SDR42E1: variants seen among roughly 807,000 people sequenced by gnomAD.
SDR42E1 encodes short chain dehydrogenase/reductase family 42E, member 1, also known as short-chain dehydrogenase/reductase family 42E member 1.
In SDR42E1, 5 loss-of-function variants were observed where a neutral mutation model predicts 2.6. The observed-to-expected ratio is 1.94, with a 90% confidence interval of 1.01 to 4.08. The LOEUF (loss-of-function observed/expected upper bound fraction) is 4.08. Ranked by LOEUF, SDR42E1 falls within the 30% of genes most tolerant of loss-of-function variation. The pLI is 0.00. For synonymous variants in SDR42E1, 231 were observed against 188.3 expected (o/e 1.23, Z -1.86); for missense variants, 596 against 478.6 (o/e 1.25, Z -2.29).
At chr16:82,006,988 G>A (rs934774468) in intron 1 of SDR42E1, among the ~76,000 whole-genome samples, 17 of 152,152 alleles carry the variant, frequency 1.1e-4, no homozygotes, top group African/African-American at 3.4e-4. Context: ...AATCTTGTTC[G>A]GCTACCTAAA....
In SDR42E1 at chr16:81,989,922, T is replaced by G. The variant is rs935464316; in HGVS notation, c.*9189A>C. ...CTGAGGCAGGAGAATTACTCGAACC[T>G]GGGAGGCGGAGGTTGCAGTGAGCCA... On this transcript the variant is annotated 3_prime_UTR_variant, in exon 3 of 3. Transcript: ENST00000328945. 1 of 152,242 alleles carries G rather than the reference T, an allele frequency of 6.6e-6. No individual in the cohort carries two copies. The highest frequency in any genetic ancestry group is 1.5e-5 in the Non-Finnish European group (1 of 68,196). 9.4% of individuals were successfully genotyped at this position (152,242 alleles called of 1,614,324 possible). A position where few individuals can be genotyped will look rare whatever the true frequency, so the allele number is the denominator to read the frequency against.
rs921725585 is a variant in SDR42E1 at position 81,996,377 on chromosome 16, G to C, written c.*2734C>G. On this transcript the variant is annotated 3_prime_UTR_variant, in exon 3 of 3. Coordinates refer to ENST00000328945, the MANE Select transcript of SDR42E1 (RefSeq NM_145168.3). ...AATCAACTGGCTTAAACATGGGTTA[G>C]GTGTGTCAAGTCTGGGAGAGGGCAG... is the stretch of plus-strand genomic sequence containing the variant. 6.6e-6 allele frequency: 1 copy of C among 152,196 alleles called. No individual in the cohort carries two copies. The highest frequency in any genetic ancestry group is 6.5e-5 in the Admixed American group (1 of 15,284). 9.4% of individuals were successfully genotyped at this position (152,196 alleles called of 1,614,324 possible).
chr16:81,996,769 A>T lies in SDR42E1; in HGVS notation c.*2342T>A, dbSNP rs1029328942. The T allele has an allele frequency of 2.6e-5, 4 of 152,146 alleles. No individual in the cohort carries two copies. The highest frequency in any genetic ancestry group is 6.5e-5 in the Admixed American group (1 of 15,274). 9.4% of individuals were successfully genotyped at this position (152,146 alleles called of 1,614,324 possible). On this transcript the variant is annotated 3_prime_UTR_variant, in exon 3 of 3. Transcript: ENST00000328945. ...AAGCTGGAGTGGGAGACAGTAACAG[A>T]ATTGGGGAGATATGGAAGCAGGAAT... is the stretch of plus-strand genomic sequence containing the variant.
Position 81,999,626 on chromosome 16 carries a change from C to A in SDR42E1, c.667G>T (p.Val223Phe). ...YGDPRSLVEF[V>F]HVDNLVQAHI... The stretch of plus-strand genomic sequence containing the variant: ...GCCTGCACCAAGTTATCCACGTGGA[C>A]AAACTCAACCAGGCTCCTGGGGTCC... The change falls in exon 3 of 3, where the codon GTC (valine) becomes TTC (phenylalanine). Residue 223 changes from valine to phenylalanine, a missense_variant. Transcript: ENST00000328945. The A allele has an allele frequency of 1.9e-6, 3 of 1,614,166 alleles. No individual in the cohort carries two copies. The highest frequency in any genetic ancestry group is 2.7e-5 in the African/African-American group (2 of 75,042).
In SDR42E1 at chr16:81,989,810, T is replaced by G. The variant is rs757358213; in HGVS notation, c.*9301A>C. The stretch of plus-strand genomic sequence containing the variant: ...CTCAGGAGTTCGATACCATCACGGC[T>G]GACATGGTGAAACCCCATCTCTACT... On this transcript the variant is annotated 3_prime_UTR_variant, in exon 3 of 3. Transcript: ENST00000328945. 3 of 152,138 alleles carry G rather than the reference T, an allele frequency of 2.0e-5. No homozygotes were observed. The highest frequency in any genetic ancestry group is 7.2e-5 in the African/African-American group (3 of 41,422). 9.4% of individuals were successfully genotyped at this position (152,138 alleles called of 1,614,324 possible).
At position 81,999,078 on chromosome 16, in the gene SDR42E1, C is replaced by A. The variant is rs1328664856; in HGVS notation, c.*33G>T. 1.3e-6 allele frequency: 2 copies of A among 1,591,010 alleles called. No individual in the cohort carries two copies. The highest frequency in any genetic ancestry group is 1.3e-5 in the African/African-American group (1 of 74,210). ...CCATGTTTCTTGAGAACCATCTCAGCCAACTGTGATCACCTTATTTCTGGC... is the reference window on the plus strand; with the variant it reads ...CCATGTTTCTTGAGAACCATCTCAGACAACTGTGATCACCTTATTTCTGGC... On this transcript the variant is annotated 3_prime_UTR_variant, in exon 3 of 3. Coordinates refer to ENST00000328945, the MANE Select transcript of SDR42E1 (RefSeq NM_145168.3).
Position 81,989,658 on chromosome 16 carries a change from C to T in SDR42E1, c.*9453G>A, listed in dbSNP as rs753059377. 6.6e-6 allele frequency: 1 copy of T among 152,180 alleles called. No individual in the cohort carries two copies. Among genetic ancestry groups the T allele is most frequent in the East Asian group, 1.9e-4 (1 of 5,194 alleles). 9.4% of individuals were successfully genotyped at this position (152,180 alleles called of 1,614,324 possible). On this transcript the variant is annotated 3_prime_UTR_variant, in exon 3 of 3. Transcript: ENST00000328945. ...AGCATGGTGTAATTGACTCTGCAAT[C>T]TCAAGAAAAGAAAAACTCATTTTCA...
At chr16:82,010,086 T>G (rs1011971306) in intron 1 of SDR42E1, among the ~76,000 whole-genome samples, 2 of 152,236 alleles carry the variant, frequency 1.3e-5, no homozygotes. Flanking sequence ...TTATGAGGCT[T>G]CCCCAGCCAT....
rs1052620091 is a variant in SDR42E1, at chr16:81,990,293, A to C, written c.*8818T>G. The C allele has an allele frequency of 6.6e-6, 1 of 152,132 alleles. No individual in the cohort carries two copies. Among genetic ancestry groups the C allele is most frequent in the Admixed American group, 6.6e-5 (1 of 15,264 alleles). The allele number at this position is 152,132 out of a possible 1,614,324, so 9.4% of individuals were successfully genotyped here. On this transcript the variant is annotated 3_prime_UTR_variant, in exon 3 of 3. Transcript: ENST00000328945. ...TCAGCCTGGTCGACAGAGTGACACCATGTCTCAAAAGAAAAAAAGAAAAGC... is the reference window on the plus strand; with the variant it reads ...TCAGCCTGGTCGACAGAGTGACACCCTGTCTCAAAAGAAAAAAAGAAAAGC...
chr16:82,002,951 C>G (rs1166782017), intron 1 of SDR42E1, among the ~76,000 whole-genome samples: 1 of 152,204 alleles, frequency 6.6e-6, no homozygotes, highest in Admixed American at 6.5e-5. Context: ...TTCCACATGA[C>G]ATGACTACAT....
At position 81,993,179 on chromosome 16, in the gene SDR42E1, A is replaced by C. The variant is rs1271879558; in HGVS notation, c.*5932T>G. On this transcript the variant is annotated 3_prime_UTR_variant, in exon 3 of 3. Transcript: ENST00000328945. The stretch of plus-strand genomic sequence containing the variant: ...GCGAGTCCCATCTCCCCCTTCATTC[A>C]TTCAGCAAAGTTGTACTGAGCACCT... The C allele has an allele frequency of 6.6e-6, 1 of 152,220 alleles. No homozygotes were observed. The highest frequency in any genetic ancestry group is 6.5e-5 in the Admixed American group (1 of 15,278). The allele number at this position is 152,220 out of a possible 1,614,324, so 9.4% of individuals were successfully genotyped here.
rs1356648907 is a variant in SDR42E1 at position 81,999,779 on chromosome 16, C to G, written c.514G>C (p.Asp172His). The change falls in exon 3 of 3, where the codon GAC (aspartate) becomes CAC (histidine). Residue 172 changes from aspartate (D) to histidine (H), a missense_variant. Asp to His is a moderately conservative substitution (Grantham distance 81, BLOSUM62 -1). Transcript: ENST00000328945. ...GTTCTTAAGACACCGTCGCCTCTGT[C>G]CAGGGGTGTAGCATTCGCCTCCAGC... The part of the protein sequence containing the change: ...KVLEANATPL[D>H]RGDGVLRTCA... 1.2e-6 allele frequency: 2 copies of G among 1,614,060 alleles called. No homozygotes were observed. The highest frequency in any genetic ancestry group is 1.3e-5 in the African/African-American group (1 of 74,918).
intron 2 of SDR42E1, chr16:82,000,489 C>T (rs949100933): frequency 3.3e-6 from 2 of 613,124 alleles, no homozygotes; most frequent in Admixed American, 2.8e-5. Context: ...CTAGGGCCCA[C>T]TATCTATTCT....
At chr16:82,007,403 T>C (rs529483978) in intron 1 of SDR42E1, among the ~76,000 whole-genome samples, 3 of 152,248 alleles carry the variant, frequency 2.0e-5, no homozygotes, top group Non-Finnish European at 4.4e-5. Context: ...TGTGCAACAC[T>C]CTGTCTGTGA....
At position 82,000,901 on chromosome 16, in the gene SDR42E1, G is replaced by C. The variant is rs372647933; in HGVS notation, c.-26-17C>G. The C allele has an allele frequency of 2.4e-5, 37 of 1,527,680 alleles. No individual in the cohort carries two copies. The highest frequency in any genetic ancestry group is 3.2e-5 in the Non-Finnish European group (36 of 1,108,288). The allele number at this position is 1,527,680 out of a possible 1,614,324, so 94.6% of individuals were successfully genotyped here. On this transcript the variant is annotated splice_polypyrimidine_tract_variant and intron_variant, in intron 1 of 2. Transcript: ENST00000328945. Reference sequence around the variant, plus strand: ...TAACTGGACCTGAAGAAAGAAGTATGCATCACTGTTACTGATCCAAATGCA... The same window carrying C: ...TAACTGGACCTGAAGAAAGAAGTATCCATCACTGTTACTGATCCAAATGCA...
Position 81,999,425 on chromosome 16 carries a change from A to T in SDR42E1, c.868T>A (p.Phe290Ile). 1 of 1,614,216 alleles carries T rather than the reference A, an allele frequency of 6.2e-7. No individual in the cohort carries two copies. The highest frequency in any genetic ancestry group is 1.1e-5 in the South Asian group (1 of 91,080). The change falls in exon 3 of 3, where the codon TTT (phenylalanine) becomes ATT (isoleucine). Residue 290 changes from phenylalanine (F) to isoleucine (I), a missense_variant. Transcript: ENST00000328945. ...TRLPLTLVYCFAFLTEMVHFI... is the reference protein window; with the variant it reads ...TRLPLTLVYCIAFLTEMVHFI... Reference sequence around the variant, plus strand: ...TGAACCATCTCTGTTAGAAAAGCAAAGCAGTAGACCAAGGTCAATGGCAGG... The same window carrying T: ...TGAACCATCTCTGTTAGAAAAGCAATGCAGTAGACCAAGGTCAATGGCAGG...
rs758001038 is a variant in SDR42E1 at position 81,999,488 on chromosome 16, G to C, written c.805C>G (p.Leu269Val). The C allele has an allele frequency of 8.1e-6, 13 of 1,614,070 alleles. No homozygotes were observed. In the African/African-American group the frequency reaches 1.5e-4, roughly 18 times the overall value. Residue 269 changes from leucine to valine, a missense_variant, in exon 3 of 3, where the codon CTG becomes GTG. Physicochemically the swap from Leu to Val is conservative, Grantham distance 32 (BLOSUM62 1). Coordinates refer to ENST00000328945, the MANE Select transcript of SDR42E1 (RefSeq NM_145168.3). ...AATGTGTAGCCCAGGCCCTCAACCAGAGGCCGGAAGAACTCAAAGTTGTTC... is the reference window on the plus strand; with the variant it reads ...AATGTGTAGCCCAGGCCCTCAACCACAGGCCGGAAGAACTCAAAGTTGTTC... ...PVNNFEFFRP[L>V]VEGLGYTFPS...
At chr16:82,001,909 A>C (rs1414979604) in intron 1 of SDR42E1, among the ~76,000 whole-genome samples, 2 of 151,608 alleles carry the variant, frequency 1.3e-5, no homozygotes, top group Non-Finnish European at 2.9e-5. Context: ...CTCAAAAAAA[A>C]AAAAAAAAAA....
At position 81,999,866 on chromosome 16, in the gene SDR42E1, G is replaced by A. The variant is rs147342330; in HGVS notation, c.427C>T (p.Leu143=). The change falls in exon 3 of 3, where the codon CTG becomes TTG. Residue 143 remains leucine, a synonymous_variant. Transcript: ENST00000328945. ...TGATCAGGGTGGAGGTGAAGAGGCA[G>A]GTAGGGCAGAGATTCATCCCCATTT... is the stretch of plus-strand genomic sequence containing the variant. ...IRNGDESLPY[L]PLHLHPDHYS... The A allele has an allele frequency of 3.1e-6, 5 of 1,614,060 alleles. 1 individual carries two copies. The highest frequency in any genetic ancestry group is 2.2e-5 in the South Asian group (2 of 91,082).
Sources: allele counts gnomAD v4.1 joint callset (sites outside exome capture counted in the v4.1 genomes callset), GRCh38; gene constraint gnomAD v4.1.1; transcripts MANE v1.5; gene names NCBI Gene and HGNC (gene_info 2026-07-23, HGNC 2026-07-21).